R3HDM1: variants seen among roughly 807,000 people sequenced by gnomAD.
R3HDM1 encodes the protein R3H domain-containing protein 1.
In R3HDM1, 46 loss-of-function variants were observed where a neutral mutation model predicts 141.1. The observed-to-expected ratio is 0.33, with a 90% CI of 0.26 to 0.42. R3HDM1 has a LOEUF of 0.42. Among genes scored for constraint, R3HDM1 ranks in the 10% least tolerant of loss-of-function variants. The pLI is 1.00. For synonymous variants in R3HDM1, 435 were observed against 472.9 expected (o/e 0.92, Z 1.04); for missense variants, 1,184 against 1,368.3 (o/e 0.87, Z 2.12).
intron 18 of R3HDM1, among the ~76,000 whole-genome samples, chr2:135,656,085 T>C (rs1029449355): frequency 3.3e-5 from 5 of 152,214 alleles, no homozygotes; most frequent in African/African-American, 4.8e-5. Flanking sequence ...TTTATAGTAT[T>C]TGAAGCTATA....
chr2:135,710,830 G>C (rs542407297), intron 23 of R3HDM1, among the ~76,000 whole-genome samples: 1 of 152,268 alleles, frequency 6.6e-6, no homozygotes, highest in East Asian at 1.9e-4. Context: ...CCAAATAGTT[G>C]ATAAGGGAAT....
chr2:135,576,557 C>G (rs1385698056), intron 1 of R3HDM1, among the ~76,000 whole-genome samples: 2 of 152,082 alleles, frequency 1.3e-5, no homozygotes, highest in Admixed American at 6.5e-5. Context: ...AACATGTACA[C>G]AGGTTTTCAT....
intron 20 of R3HDM1, among the ~76,000 whole-genome samples, chr2:135,677,329 C>T (rs187921835): frequency 3.9e-5 from 6 of 152,226 alleles, no homozygotes; most frequent in Admixed American, 3.9e-4. Context: ...GCTTCTGACC[C>T]CTTCTCCTCC....
intron 21 of R3HDM1, among the ~76,000 whole-genome samples, chr2:135,686,715 G>A (rs933693911): frequency 6.6e-6 from 1 of 152,140 alleles, no homozygotes; most frequent in Non-Finnish European, 1.5e-5. Context: ...TTCCAGCTTA[G>A]GCGACAGAGC....
At chr2:135,698,966 A>G (rs1192539705) in intron 21 of R3HDM1, among the ~76,000 whole-genome samples, 1 of 150,578 alleles carries the variant, frequency 6.6e-6, no homozygotes, top group Non-Finnish European at 1.5e-5. Context: ...CACACATCCA[A>G]ACAATATTAC....
intron 1 of R3HDM1, among the ~76,000 whole-genome samples, chr2:135,549,786 A>G (rs1699504268): frequency 6.6e-6 from 1 of 152,164 alleles, no homozygotes; most frequent in Non-Finnish European, 1.5e-5. Context: ...TTACGGGGTA[A>G]TGAAAAAGTT....
chr2:135,712,741 G>A (rs1385618187), intron 23 of R3HDM1, among the ~76,000 whole-genome samples: 2 of 151,360 alleles, frequency 1.3e-5, no homozygotes, highest in East Asian at 2.0e-4. Context: ...TTAACATGGT[G>A]AAACCCCGTC....
chr2:135,579,675 T>C (rs1706343946), intron 1 of R3HDM1, among the ~76,000 whole-genome samples: 1 of 151,778 alleles, frequency 6.6e-6, no homozygotes, highest in Non-Finnish European at 1.5e-5. Flanking sequence ...GCCAGCGTCA[T>C]GTGTTCCCTG....
intron 19 of R3HDM1, among the ~76,000 whole-genome samples, chr2:135,672,738 T>G (rs905410944): frequency 2.0e-5 from 3 of 152,088 alleles, no homozygotes; most frequent in African/African-American, 7.2e-5. Flanking sequence ...TGCGTGTGTT[T>G]GTGTGTGTGC....
At chr2:135,682,438 A>G (rs1385310002) in intron 21 of R3HDM1, among the ~76,000 whole-genome samples, 3 of 152,202 alleles carry the variant, frequency 2.0e-5, no homozygotes, top group African/African-American at 4.8e-5. Context: ...GCTTGCCATA[A>G]GAGTGTGGAT....
chr2:135,590,852 A>G, intron 1 of R3HDM1: 1 of 427,194 alleles, frequency 2.3e-6, no homozygotes, highest in Non-Finnish European at 3.1e-6. Flanking sequence ...AGCTATTTTT[A>G]CTGGCCACAA....
At chr2:135,571,620 C>A (rs1285708898) in intron 1 of R3HDM1, among the ~76,000 whole-genome samples, 1 of 150,432 alleles carries the variant, frequency 6.6e-6, no homozygotes, top group East Asian at 2.0e-4. Flanking sequence ...GCCACTGCAC[C>A]CGGCCTAATT....
chr2:135,588,459 T>A (rs1708450756), intron 1 of R3HDM1, among the ~76,000 whole-genome samples: 1 of 152,130 alleles, frequency 6.6e-6, no homozygotes, highest in Admixed American at 6.6e-5. Context: ...ATTTTCATTC[T>A]CATACAGGTT....
intron 18 of R3HDM1, among the ~76,000 whole-genome samples, chr2:135,654,310 A>AAC (rs1340392363): frequency 6.6e-6 from 1 of 151,392 alleles, no homozygotes; most frequent in African/African-American, 2.4e-5. Flanking sequence ...CACACACACA[A>AAC]ACACACACAC....
intron 1 of R3HDM1, among the ~76,000 whole-genome samples, chr2:135,589,234 AT>A (rs1708659560): frequency 6.6e-6 from 1 of 152,210 alleles, no homozygotes; most frequent in South Asian, 2.1e-4. Flanking sequence ...GTAACAAGTT[AT>A]ATATATAAAG....
At chr2:135,692,188 G>T (rs1476618291) in intron 21 of R3HDM1, among the ~76,000 whole-genome samples, 1 of 152,024 alleles carries the variant, frequency 6.6e-6, no homozygotes, top group Non-Finnish European at 1.5e-5. Flanking sequence ...GGGATTACCG[G>T]CAAGAGCCAC....
chr2:135,716,683 G>A (rs1488340700), intron 24 of R3HDM1, among the ~76,000 whole-genome samples: 1 of 152,200 alleles, frequency 6.6e-6, no homozygotes, highest in Non-Finnish European at 1.5e-5. Flanking sequence ...GCTAGGTGCG[G>A]TGGCTCACAC....
At chr2:135,539,545 A>C (rs1281982654) in intron 1 of R3HDM1, among the ~76,000 whole-genome samples, 2 of 152,196 alleles carry the variant, frequency 1.3e-5, no homozygotes, top group Non-Finnish European at 1.5e-5. Flanking sequence ...AAAGAATTGC[A>C]GGCACACCTA....
chr2:135,661,299 C>G lies in R3HDM1; in HGVS notation c.2058C>G (p.His686Gln). ...CAGCCTGTTATTGCGCTCCAGGCCA[C>G]TATCACTCCAGCCAACCTCAGTATC... is the stretch of plus-strand genomic sequence containing the variant. ...QMPACYCAPG[H>Q]YHSSQPQYRP... Residue 686 changes from histidine to glutamine, a missense_variant, in exon 19 of 27, where the codon CAC becomes CAG. Transcript: ENST00000683871. The G allele has an allele frequency of 1.2e-6, 2 of 1,614,106 alleles. No homozygotes were observed. The highest frequency in any genetic ancestry group is 1.7e-6 in the Non-Finnish European group (2 of 1,179,970).
Sources: gnomAD v4.1 joint callset for allele counts (sites outside exome capture counted in the v4.1 genomes callset) on GRCh38, gnomAD v4.1.1 for gene constraint, MANE v1.5 for transcripts, NCBI Gene and HGNC (gene_info 2026-07-23, HGNC 2026-07-21) for gene names.